SOX6: variants seen among roughly 807,000 people sequenced by gnomAD.
The protein encoded by SOX6 is transcription factor SOX-6.
In SOX6, 11 loss-of-function variants were observed where a neutral mutation model predicts 97.8. The observed-to-expected ratio is 0.11, with a 90% CI of 0.07 to 0.19. SOX6 has a LOEUF of 0.19. Among genes scored for constraint, SOX6 ranks in the 10% least tolerant of loss-of-function variants. The probability of loss-of-function intolerance (pLI) is 1.00; values close to 1 mark genes in which losing one functional copy is unlikely to be tolerated. For synonymous variants in SOX6, 360 were observed against 371.4 expected (o/e 0.97, Z 0.35); for missense variants, 810 against 1,039.5 (o/e 0.78, Z 3.04).
At chr11:16,377,802 T>C (rs1258320479) in intron 1 of SOX6, among the ~76,000 whole-genome samples, 3 of 152,144 alleles carry the variant, frequency 2.0e-5, no homozygotes, top group African/African-American at 7.2e-5. Context: ...TAAACAAGCA[T>C]TTAAAAAGTA....
intron 1 of SOX6, among the ~76,000 whole-genome samples, chr11:16,448,460 TA>T (rs1268677568): frequency 2.0e-5 from 3 of 152,074 alleles, no homozygotes; most frequent in Admixed American, 6.6e-5. Context: ...CCCTTGGCAA[TA>T]AAAAAAGTGC....
upstream of SOX6, among the ~76,000 whole-genome samples, chr11:16,478,062 C>G (rs1590218053): frequency 6.6e-6 from 1 of 152,334 alleles, no homozygotes; most frequent in South Asian, 2.1e-4. Context: ...GGTTCTGATT[C>G]AAACCATCCT....
intron 3 of SOX6, among the ~76,000 whole-genome samples, chr11:16,273,432 T>C (rs1221011115): frequency 6.6e-6 from 1 of 151,912 alleles, no homozygotes; most frequent in African/African-American, 2.4e-5. Context: ...ATAAATCTGG[T>C]CAATGATCCA....
intron 2 of SOX6, among the ~76,000 whole-genome samples, chr11:16,336,844 T>C (rs1422279071): frequency 2.6e-5 from 4 of 152,178 alleles, no homozygotes; most frequent in East Asian, 3.9e-4. Context: ...TTTGTACTTA[T>C]TATACACTCT....
chr11:16,626,878 G>A (rs1273495907), intron 3 of SOX6, among the ~76,000 whole-genome samples: 2 of 151,996 alleles, frequency 1.3e-5, no homozygotes, highest in African/African-American at 4.8e-5. Context: ...TGTTACCTGG[G>A]CATACTGCGT....
intron 3 of SOX6, among the ~76,000 whole-genome samples, chr11:16,713,626 A>G (rs1590061458): frequency 1.3e-5 from 2 of 152,200 alleles, no homozygotes; most frequent in African/African-American, 2.4e-5. Context: ...ACAAGAAACC[A>G]AGCAAAGTAT....
rs74489430 is a variant in SOX6 at position 16,484,983 on chromosome 11, C to A, written n.610-8595G>T. The stretch of plus-strand genomic sequence containing the variant: ...ATTTTTTTAAAATGTATACTATTCA[C>A]ACCCACTAGGAAGAATACCTTTACA... On this transcript the variant is annotated intron_variant and non_coding_transcript_variant, in intron 4 of 5. Coordinates refer to the SOX6 transcript ENST00000524520. 7.5e-3 allele frequency among the ~76,000 whole-genome samples: 1,141 copies of A among 152,258 alleles called. 15 individuals carry two copies. The highest frequency in any genetic ancestry group is 0.025 in the African/African-American group (1,025 of 41,532).
intron 3 of SOX6, among the ~76,000 whole-genome samples, chr11:16,686,074 G>A (rs1213981764): frequency 2.6e-5 from 4 of 152,236 alleles, no homozygotes; most frequent in African/African-American, 7.2e-5. Context: ...GTGGGGTCCT[G>A]TGCCTGGCCC....
At chr11:16,570,355 G>A (rs1190270034) in intron 4 of SOX6, among the ~76,000 whole-genome samples, 1 of 151,574 alleles carries the variant, frequency 6.6e-6, no homozygotes, top group Non-Finnish European at 1.5e-5. Context: ...CTTAATACAG[G>A]TAAATTTGGT....
At chr11:16,586,439 GTGACCTTCAAGGACT>G (rs1342555929) in intron 4 of SOX6, among the ~76,000 whole-genome samples, 4 of 152,180 alleles carry the variant, frequency 2.6e-5, no homozygotes. Flanking sequence ...CCAACCATCA[GTGACCTTCAAGGACT>G]TACTTAGGCA....
intron 1 of SOX6, among the ~76,000 whole-genome samples, chr11:16,373,885 AAGGGAGGGAGGG>A (rs1252991536): frequency 6.1e-4 from 5 of 8,138 alleles, no homozygotes; most frequent in African/African-American, 1.6e-3. Flanking sequence ...GGAAGGAAGG[AAGGGAGGGAGGG>A]AGGAAGGGAG....
intron 4 of SOX6, among the ~76,000 whole-genome samples, chr11:16,533,397 C>A (rs1283944623): frequency 6.6e-6 from 1 of 151,542 alleles, no homozygotes; most frequent in Non-Finnish European, 1.5e-5. Context: ...GTATTAAGAT[C>A]AAAAAAATAC....
intron 1 of SOX6, among the ~76,000 whole-genome samples, chr11:16,386,138 A>C (rs1420543729): frequency 6.6e-6 from 1 of 152,120 alleles, no homozygotes; most frequent in African/African-American, 2.4e-5. Flanking sequence ...GAGGAATATT[A>C]GCAGAGTTGT....
chr11:16,276,733 C>G (rs1403629449), intron 3 of SOX6, among the ~76,000 whole-genome samples: 2 of 152,154 alleles, frequency 1.3e-5, no homozygotes, highest in East Asian at 3.9e-4. Flanking sequence ...CTTCAGACTT[C>G]CTGCTATGTG....
In SOX6 at chr11:16,583,614, C is replaced by CATATATATATATATATATATAT. The variant is rs534690651; in HGVS notation, n.609+28445_609+28466dup. Among the ~76,000 whole-genome samples, 51 of 104,560 alleles carry CATATATATATATATATATATAT rather than the reference C, an allele frequency of 4.9e-4. 1 individual carries two copies. The highest frequency in any genetic ancestry group is 9.1e-4 in the African/African-American group (28 of 30,682). 68.6% of individuals were successfully genotyped at this position (104,560 alleles called of 152,430 possible). A position where few individuals can be genotyped will look rare whatever the true frequency, so the allele number is the denominator to read the frequency against. ...ATATGTATATATGTGTATATATATA[C>CATATATATATATATATATATAT]ATATATATATATATATATATATACA... On this transcript the variant is annotated intron_variant and non_coding_transcript_variant, in intron 4 of 5. Coordinates refer to the SOX6 transcript ENST00000524520.
At chr11:16,632,871 C>G (rs556924520) in intron 3 of SOX6, among the ~76,000 whole-genome samples, 25 of 152,298 alleles carry the variant, frequency 1.6e-4, no homozygotes, top group African/African-American at 5.1e-4. Flanking sequence ...GCTTCTGAAC[C>G]AGGCAAGCAG....
At chr11:16,057,845 G>A (rs187182062) in intron 9 of SOX6, among the ~76,000 whole-genome samples, 1 of 152,038 alleles carries the variant, frequency 6.6e-6, no homozygotes, top group Non-Finnish European at 1.5e-5. Context: ...TGTTATTAAG[G>A]AAGCCTGACA....
chr11:16,008,753 A>C (rs1336249199), intron 13 of SOX6, among the ~76,000 whole-genome samples: 1 of 152,124 alleles, frequency 6.6e-6, no homozygotes, highest in African/African-American at 2.4e-5. Context: ...GCTGCACTTT[A>C]TATATAGTGC....
chr11:16,093,164 A>C (rs1001970522), intron 9 of SOX6, among the ~76,000 whole-genome samples: 1 of 151,948 alleles, frequency 6.6e-6, no homozygotes, highest in Non-Finnish European at 1.5e-5. Flanking sequence ...ACAGTTTCTG[A>C]TTGTTCCCAG....
Sources: allele counts gnomAD v4.1 joint callset (sites outside exome capture counted in the v4.1 genomes callset), GRCh38; gene constraint gnomAD v4.1.1; transcripts MANE v1.5; gene names NCBI Gene and HGNC (gene_info 2026-07-23, HGNC 2026-07-21).